Variants in KANK1 observed in about 807,000 individuals in gnomAD.
The protein encoded by KANK1 is KN motif and ankyrin repeat domains 1, also known as KN motif and ankyrin repeat domain-containing protein 1.
Under a neutral mutation model 106.2 loss-of-function variants are expected in KANK1, and 109 were observed. The observed-to-expected ratio is 1.03, with a 90% CI of 0.88 to 1.20. The LOEUF (loss-of-function observed/expected upper bound fraction) is 1.20. Among genes scored for constraint, KANK1 ranks in the 50% most tolerant of loss-of-function variants. KANK1 has a pLI of 0.00. For synonymous variants in KANK1, 873 were observed against 652.2 expected, an observed-to-expected ratio of 1.34 and a Z score of -5.16; for missense variants, 2,399 against 1,710.7, an observed-to-expected ratio of 1.40 and a Z score of -7.10.
At chr9:607,933 AC>A (rs1328881692) in intron 1 of KANK1, among the ~76,000 whole-genome samples, 1 of 150,504 alleles carries the variant, frequency 6.6e-6, no homozygotes. Flanking sequence ...TTCCTTGTGA[AC>A]ATCTCTCTGT....
intron 1 of KANK1, among the ~76,000 whole-genome samples, chr9:547,779 A>G (rs2061023126): frequency 6.6e-6 from 1 of 152,218 alleles, no homozygotes; most frequent in Admixed American, 6.5e-5. Flanking sequence ...ACTCCACAAA[A>G]TAGTAAAACA....
chr9:667,075 C>T (rs1312775907), intron 1 of KANK1, among the ~76,000 whole-genome samples: 1 of 150,944 alleles, frequency 6.6e-6, no homozygotes, highest in Non-Finnish European at 1.5e-5. Context: ...TAATCAGATC[C>T]TCGACTTTTC....
chr9:733,574 C>T (rs1260512583), intron 6 of KANK1: 1 of 152,144 alleles, frequency 6.6e-6, no homozygotes, highest in Non-Finnish European at 1.5e-5. Context: ...CGCTTGAGCA[C>T]AGGAGTTTGA....
chr9:505,226 G>A (rs1357861096), intron 1 of KANK1, among the ~76,000 whole-genome samples: 3 of 152,164 alleles, frequency 2.0e-5, no homozygotes, highest in African/African-American at 7.2e-5. Flanking sequence ...GGAGTTGGAT[G>A]TTGCCCTTCG....
chr9:600,802 C>G (rs1400237764), intron 1 of KANK1, among the ~76,000 whole-genome samples: 4 of 151,830 alleles, frequency 2.6e-5, no homozygotes, highest in Non-Finnish European at 5.9e-5. Flanking sequence ...CCAGTGTTCG[C>G]TTCTTTTGCA....
chr9:574,559 G>C (rs542465151), intron 1 of KANK1, among the ~76,000 whole-genome samples: 1 of 152,068 alleles, frequency 6.6e-6, no homozygotes, highest in Non-Finnish European at 1.5e-5. Context: ...TGTAATGTTT[G>C]AAAATATTCT....
chr9:583,049 G>A (rs184247751), intron 1 of KANK1, among the ~76,000 whole-genome samples: 2 of 152,280 alleles, frequency 1.3e-5, no homozygotes, highest in East Asian at 1.9e-4. Flanking sequence ...GGGAAGAAGA[G>A]AATTTACTAG....
rs369213454 is a variant in KANK1, at chr9:715,438, G to C, written c.2698+1974G>C. ...CCTTCCTCCCTCCTCCCCAAACTGG[G>C]GTTTCTATTTCACATTCTTGCCAGA... On this transcript the variant is annotated intron_variant, in intron 3 of 11. Transcript: ENST00000382297. Among the ~76,000 whole-genome samples the C allele has an allele frequency of 9.9e-5, 15 of 152,240 alleles. 1 individual carries two copies. Among genetic ancestry groups the C allele is most frequent in the African/African-American group, 3.6e-4 (15 of 41,528 alleles).
At chr9:602,681 A>G (rs1295424800) in intron 1 of KANK1, among the ~76,000 whole-genome samples, 3 of 151,888 alleles carry the variant, frequency 2.0e-5, no homozygotes, top group Non-Finnish European at 4.4e-5. Context: ...TAAACTTTTG[A>G]TAAGTTATTT....
chr9:731,847 A>G (rs1832367061), intron 5 of KANK1: 1 of 154,852 alleles, frequency 6.5e-6, no homozygotes, highest in South Asian at 2.0e-4. Context: ...GAATTGATAC[A>G]TGGCCCCCAC....
intron 3 of KANK1, among the ~76,000 whole-genome samples, chr9:714,659 G>C (rs541823237): frequency 4.6e-5 from 7 of 152,174 alleles, no homozygotes; most frequent in South Asian, 2.1e-4. Flanking sequence ...CACCTGGCCC[G>C]ATAGGCGCTT....
At chr9:733,700 G>A (rs1277855091) in intron 6 of KANK1, 1 of 152,150 alleles carries the variant, frequency 6.6e-6, no homozygotes, top group Non-Finnish European at 1.5e-5. Flanking sequence ...TTGAACCCTG[G>A]AGGTTGAGGC....
intron 10 of KANK1, among the ~76,000 whole-genome samples, chr9:743,006 A>G (rs1416482477): frequency 6.6e-6 from 1 of 152,180 alleles, no homozygotes; most frequent in Non-Finnish European, 1.5e-5. Context: ...ACATTTCCAG[A>G]TAACTCCTTG....
In KANK1 at chr9:744,488, A is replaced by C; in HGVS notation, c.3898-3A>C. The C allele has an allele frequency of 6.2e-7, 1 of 1,611,146 alleles. No homozygotes were observed. Among genetic ancestry groups the C allele is most frequent in the Non-Finnish European group, 8.5e-7 (1 of 1,177,808 alleles). The stretch of plus-strand genomic sequence containing the variant: ...TGGCTTGTTCTTTCCATCTTATCTT[A>C]AGGATGGCAGCACTGCGCTCTCAAT... On this transcript the variant is annotated splice_region_variant and splice_polypyrimidine_tract_variant and intron_variant, in intron 10 of 11. Coordinates refer to ENST00000382297, the MANE Select transcript of KANK1 (RefSeq NM_015158.5).
Position 734,923 on chromosome 9 carries a change from T to G in KANK1, c.3333+88T>G, listed in dbSNP as rs573383487. The G allele has an allele frequency of 1.0e-3, 931 of 918,966 alleles. 1 individual carries two copies. The highest frequency in any genetic ancestry group is 1.1e-3 in the Non-Finnish European group (607 of 559,456). The allele number at this position is 918,966 out of a possible 1,614,324, so 56.9% of individuals were successfully genotyped here. A position where few individuals can be genotyped will look rare whatever the true frequency, so the allele number is the denominator to read the frequency against. On this transcript the variant is annotated intron_variant, in intron 7 of 11. Coordinates refer to ENST00000382297, the MANE Select transcript of KANK1 (RefSeq NM_015158.5). ...AAGGCCAGCTGTAGGCTGCCCGAGC[T>G]GTTGCTTGCATGCTTTTCTCCTGAA... is the stretch of plus-strand genomic sequence containing the variant.
At chr9:609,837 T>C (rs962739546) in intron 1 of KANK1, among the ~76,000 whole-genome samples, 1 of 152,134 alleles carries the variant, frequency 6.6e-6, no homozygotes, top group Non-Finnish European at 1.5e-5. Flanking sequence ...AGTAAGTATT[T>C]TATATTTATT....
chr9:527,250 C>G (rs918455460), intron 1 of KANK1, among the ~76,000 whole-genome samples: 1 of 151,710 alleles, frequency 6.6e-6, no homozygotes, highest in Non-Finnish European at 1.5e-5. Context: ...CTATGGTATC[C>G]TCCTCCTTTG....
chr9:565,898 G>A (rs1214595029), intron 1 of KANK1, among the ~76,000 whole-genome samples: 3 of 152,190 alleles, frequency 2.0e-5, no homozygotes, highest in South Asian at 2.1e-4. Context: ...GGGTGCATGT[G>A]CAGGTTTGTT....
At chr9:658,769 A>T (rs1165407188) in intron 1 of KANK1, among the ~76,000 whole-genome samples, 1 of 152,164 alleles carries the variant, frequency 6.6e-6, no homozygotes, top group Non-Finnish European at 1.5e-5. Flanking sequence ...CTTTTCTGAA[A>T]TGCCTTTGTC....
Sources: allele counts gnomAD v4.1 joint callset (sites outside exome capture counted in the v4.1 genomes callset), GRCh38; gene constraint gnomAD v4.1.1; transcripts MANE v1.5; gene names NCBI Gene and HGNC (gene_info 2026-07-23, HGNC 2026-07-21).